RYR2: variants seen among roughly 807,000 people sequenced by gnomAD.
RYR2 encodes ryanodine receptor 2, also known as cardiac muscle ryanodine receptor-calcium release channel.
RYR2 carries 227 observed loss-of-function variants against 601.1 expected under a neutral mutation model. The ratio of observed to expected loss-of-function variants is 0.38; its 90% CI spans 0.34 to 0.42. RYR2 has a LOEUF of 0.42. Ranked by LOEUF, RYR2 falls within the 10% of genes least tolerant of loss-of-function variation. The pLI is 1.00. For missense variants in RYR2, 4,646 were observed against 6,156.5 expected (o/e 0.75, Z 8.21); for synonymous variants, 2,223 against 2,175.1 (o/e 1.02, Z -0.61).
intron 33 of RYR2, among the ~76,000 whole-genome samples, chr1:237,594,895 T>TTTGTTTTTTG (rs1559084029): frequency 1.1e-4 from 2 of 18,818 alleles, no homozygotes; most frequent in African/African-American, 3.4e-4. Flanking sequence ...GGTTTTTTTT[T>TTTGTTTTTTG]TTTTTTTTTT....
chr1:237,400,054 AC>A (rs1703208235), intron 10 of RYR2, among the ~76,000 whole-genome samples: 1 of 152,074 alleles, frequency 6.6e-6, no homozygotes, highest in Non-Finnish European at 1.5e-5. Flanking sequence ...ACACACACAC[AC>A]ACACACAAAT....
intron 1 of RYR2, among the ~76,000 whole-genome samples, chr1:237,085,135 A>G (rs963483443): frequency 3.9e-5 from 6 of 152,240 alleles, no homozygotes; most frequent in African/African-American, 1.4e-4. Context: ...CAGATATTTT[A>G]GTTTCTCTAT....
intron 1 of RYR2, among the ~76,000 whole-genome samples, chr1:237,090,323 G>T (rs1666824824): frequency 6.6e-6 from 1 of 152,176 alleles, no homozygotes; most frequent in South Asian, 2.1e-4. Flanking sequence ...AAGGGACTTT[G>T]CAGATGTCAT....
intron 1 of RYR2, among the ~76,000 whole-genome samples, chr1:237,105,834 C>CAAAA (rs34759459): frequency 3.4e-5 from 3 of 87,030 alleles, no homozygotes; most frequent in African/African-American, 1.3e-4. Context: ...GACTCTGTCT[C>CAAAA]AAAAAAAAAA....
chr1:237,149,330 A>AAAAAC (rs1674442304), intron 1 of RYR2, among the ~76,000 whole-genome samples: 1 of 120,708 alleles, frequency 8.3e-6, no homozygotes, highest in Non-Finnish European at 2.0e-5. Context: ...AAAACAAAAA[A>AAAAAC]CCAAAAACAA....
At chr1:237,431,094 A>G (rs1191893538) in intron 12 of RYR2, among the ~76,000 whole-genome samples, 3 of 152,230 alleles carry the variant, frequency 2.0e-5, no homozygotes, top group East Asian at 1.9e-4. Context: ...TAACGCTTCC[A>G]TGCTTCCAGC....
rs1055426327 is a variant in RYR2, at chr1:237,094,704, G to C, written c.48+52135G>C. The stretch of plus-strand genomic sequence containing the variant: ...CCTCCTGGGTTCACGCCATTCTCCT[G>C]CCTTAGCCTTCCGAGTAGCTGGGAC... On this transcript the variant is annotated intron_variant, in intron 1 of 104. Coordinates refer to ENST00000366574, the MANE Select transcript of RYR2 (RefSeq NM_001035.3). 2.6e-5 allele frequency among the ~76,000 whole-genome samples: 4 copies of C among 152,106 alleles called. 1 individual carries two copies. The highest frequency in any genetic ancestry group is 6.5e-5 in the Admixed American group (1 of 15,272).
rs537791934 is a variant in RYR2 at position 237,486,790 on chromosome 1, G to A, written c.1709-5016G>A. Among the ~76,000 whole-genome samples the A allele has an allele frequency of 6.2e-4, 95 of 152,168 alleles. 2 individuals carry two copies. The highest frequency in any genetic ancestry group is 1.2e-3 in the Non-Finnish European group (82 of 67,974). On this transcript the variant is annotated intron_variant, in intron 17 of 104. Transcript: ENST00000366574. ...ATTGGGAGAGAAGTATACAAATCCA[G>A]CAATAACCAAGACTAACCTTTTTAG...
intron 85 of RYR2, among the ~76,000 whole-genome samples, chr1:237,771,315 G>A (rs1453849916): frequency 6.6e-6 from 1 of 151,900 alleles, no homozygotes; most frequent in African/African-American, 2.4e-5. Context: ...GGAGGCTGGG[G>A]CAGGAGGATT....
Position 237,224,740 on chromosome 1 carries a change from G to T in RYR2, c.49-45757G>T, listed in dbSNP as rs115670410. ...TTAGGTGTGGTGATACACACCTATA[G>T]TCCTAGCTACTAGAGGGGCTAAAGT... is the stretch of plus-strand genomic sequence containing the variant. On this transcript the variant is annotated intron_variant, in intron 1 of 104. Transcript: ENST00000366574. Among the ~76,000 whole-genome samples, 1,008 of 152,214 alleles carry T rather than the reference G, an allele frequency of 6.6e-3. 5 individuals are homozygous for T. Among genetic ancestry groups the T allele is most frequent in the Non-Finnish European group, 0.011 (771 of 68,008 alleles).
Position 237,107,779 on chromosome 1 carries a change from C to T in RYR2, c.48+65210C>T, listed in dbSNP as rs368354096. 5.1e-4 allele frequency among the ~76,000 whole-genome samples: 77 copies of T among 152,270 alleles called. 1 individual carries two copies. The South Asian group carries it at 6.6e-3, about 13-fold the overall frequency. On this transcript the variant is annotated intron_variant, in intron 1 of 104. Transcript: ENST00000366574. Reference sequence around the variant, plus strand: ...TTTGGGGCATTCCCTTCCAGATTCACGGTGTCCTGCAGCCTTAGTTCTTTC... The same window carrying T: ...TTTGGGGCATTCCCTTCCAGATTCATGGTGTCCTGCAGCCTTAGTTCTTTC...
intron 33 of RYR2, among the ~76,000 whole-genome samples, chr1:237,594,737 T>C (rs1279679214): frequency 6.6e-6 from 1 of 151,794 alleles, no homozygotes; most frequent in Non-Finnish European, 1.5e-5. Flanking sequence ...GGCTTTAGCC[T>C]TTTTTGCTGG....
chr1:237,136,964 C>A (rs1672854881), intron 1 of RYR2, among the ~76,000 whole-genome samples: 1 of 149,064 alleles, frequency 6.7e-6, no homozygotes, highest in Admixed American at 6.8e-5. Context: ...TTGCAGTGAG[C>A]CGAGATCATG....
In RYR2 at chr1:237,374,825, T is replaced by C. The variant is rs746768874; in HGVS notation, c.463+30T>C. 6 of 1,575,062 alleles carry C rather than the reference T, an allele frequency of 3.8e-6. No individual in the cohort carries two copies. In the Admixed American group the frequency reaches 8.7e-5, roughly 23 times the overall value. Reference sequence around the variant, plus strand: ...GCATCTTGTGCTGCGGGAAGCCAGGTTCAGAGAGAACCCTGCAGGGGTTGG... The same window carrying C: ...GCATCTTGTGCTGCGGGAAGCCAGGCTCAGAGAGAACCCTGCAGGGGTTGG... On this transcript the variant is annotated intron_variant, in intron 7 of 104. Coordinates refer to ENST00000366574, the MANE Select transcript of RYR2 (RefSeq NM_001035.3).
intron 2 of RYR2, among the ~76,000 whole-genome samples, chr1:237,303,258 A>C (rs1693536298): frequency 7.3e-6 from 1 of 137,002 alleles, no homozygotes; most frequent in Non-Finnish European, 1.6e-5. Context: ...TTAATAATTT[A>C]TATCTATTCA....
chr1:237,697,464 G>T (rs1192244827), intron 63 of RYR2, among the ~76,000 whole-genome samples: 3 of 137,084 alleles, frequency 2.2e-5, no homozygotes, highest in Non-Finnish European at 1.6e-5. Context: ...TATATTATAT[G>T]ATATATAATA....
At chr1:237,294,422 G>C (rs1049908490) in intron 2 of RYR2, among the ~76,000 whole-genome samples, 10 of 151,522 alleles carry the variant, frequency 6.6e-5, no homozygotes, top group African/African-American at 2.4e-4. Flanking sequence ...TTCAGGATAG[G>C]CTAAGTTATG....
At chr1:237,472,038 T>A (rs1020338945) in intron 17 of RYR2, among the ~76,000 whole-genome samples, 8 of 152,228 alleles carry the variant, frequency 5.3e-5, no homozygotes, top group Non-Finnish European at 1.0e-4. Flanking sequence ...TCTTGTTTTT[T>A]AAGTATCTAA....
intron 1 of RYR2, among the ~76,000 whole-genome samples, chr1:237,132,581 A>T (rs1429144816): frequency 2.0e-5 from 3 of 152,250 alleles, no homozygotes; most frequent in Admixed American, 6.5e-5. Flanking sequence ...AATAAAAGGC[A>T]TCCAAACCAA....
Sources: gnomAD v4.1 joint callset for allele counts (sites outside exome capture counted in the v4.1 genomes callset) on GRCh38, gnomAD v4.1.1 for gene constraint, MANE v1.5 for transcripts, NCBI Gene and HGNC (gene_info 2026-07-23, HGNC 2026-07-21) for gene names.